The following PHF24 variants were observed in gnomAD, a reference collection of about 807,000 sequenced individuals.
PHF24 encodes PHD finger protein 24.
Under a neutral mutation model 42.6 loss-of-function variants are expected in PHF24, and 25 were observed. That is an observed-to-expected ratio of 0.59 (90% CI 0.43 to 0.82). The LOEUF (loss-of-function observed/expected upper bound fraction) is 0.82, where lower values mean the gene tolerates loss of function less well. Ranked by LOEUF, PHF24 falls within the 40% of genes least tolerant of loss-of-function variation. The pLI is 0.00. For synonymous variants in PHF24, 185 were observed against 204.8 expected (o/e 0.90, Z 0.83); for missense variants, 470 against 538.1 (o/e 0.87, Z 1.25).
the PHF24 span, among the ~76,000 whole-genome samples, chr9:34,856,809 A>G: frequency 6.6e-6 from 1 of 152,244 alleles, no homozygotes; most frequent in Non-Finnish European, 1.5e-5. Context: ...TTGGCAGAGC[A>G]GGTGTGCTGC....
the PHF24 span, among the ~76,000 whole-genome samples, chr9:34,706,148 T>A: frequency 1.3e-5 from 2 of 152,152 alleles, no homozygotes; most frequent in African/African-American, 4.8e-5. Context: ...ATAGTCAAAA[T>A]AATGTAATAT....
chr9:34,696,304 A>G, the PHF24 span, among the ~76,000 whole-genome samples: 3 of 152,088 alleles, frequency 2.0e-5, no homozygotes, highest in South Asian at 6.2e-4. Context: ...CTTGACCAAC[A>G]TGGCGAAACC....
At chr9:34,832,148 AC>A in the PHF24 span, 27 of 298,258 alleles carry the variant, frequency 9.1e-5, no homozygotes, top group East Asian at 1.1e-3. Flanking sequence ...TTCTAGTGGC[AC>A]CCTGCCCCAC....
At chr9:34,794,355 C>T in the PHF24 span, among the ~76,000 whole-genome samples, 16 of 152,252 alleles carry the variant, frequency 1.1e-4, no homozygotes, top group East Asian at 1.7e-3. Flanking sequence ...AAAACATTAA[C>T]GTTATCTATA....
the PHF24 span, among the ~76,000 whole-genome samples, chr9:34,802,560 C>G: frequency 6.6e-6 from 1 of 152,184 alleles, no homozygotes; most frequent in Non-Finnish European, 1.5e-5. Flanking sequence ...TTTCTGCATC[C>G]TAATCTAACC....
At chr9:34,766,325 C>T in the PHF24 span, among the ~76,000 whole-genome samples, 1 of 152,220 alleles carries the variant, frequency 6.6e-6, no homozygotes, top group Non-Finnish European at 1.5e-5. Context: ...CTCCCCGTCA[C>T]TTTCAGGTAC....
the PHF24 span, among the ~76,000 whole-genome samples, chr9:34,745,270 T>C: frequency 6.6e-6 from 1 of 152,282 alleles, no homozygotes; most frequent in African/African-American, 2.4e-5. Context: ...GCTTCTTGGA[T>C]CCACAGCTAT....
chr9:34,962,839 C>G (rs1826639309), intron 1 of PHF24, among the ~76,000 whole-genome samples: 1 of 152,210 alleles, frequency 6.6e-6, no homozygotes, highest in Admixed American at 6.5e-5. Context: ...AAGCTCATGC[C>G]ATAATTTTGC....
the PHF24 span, among the ~76,000 whole-genome samples, chr9:34,771,909 C>G: frequency 5.1e-4 from 77 of 152,266 alleles, no homozygotes; most frequent in Non-Finnish European, 7.4e-5. Flanking sequence ...TGTCCCCATC[C>G]TCATTTTGAG....
At chr9:34,740,401 A>C in the PHF24 span, among the ~76,000 whole-genome samples, 150,688 of 152,356 alleles carry the variant, frequency 0.99, 74,541 homozygotes, top group Middle Eastern at 1. Flanking sequence ...AGCTAAGGCC[A>C]GGCAAGAAAT....
the PHF24 span, chr9:34,918,165 C>T: frequency 8.7e-6 from 13 of 1,497,832 alleles, no homozygotes; most frequent in African/African-American, 4.1e-5. Context: ...GACTGTCGGC[C>T]AGGAGAAGAA....
At chr9:34,894,558 C>G in the PHF24 span, 5 of 398,484 alleles carry the variant, frequency 1.3e-5, no homozygotes, top group Non-Finnish European at 2.2e-5. Flanking sequence ...TCAGGGACAT[C>G]CTATAAGAAG....
the PHF24 span, among the ~76,000 whole-genome samples, chr9:34,792,061 C>G: frequency 6.6e-6 from 1 of 152,174 alleles, no homozygotes; most frequent in African/African-American, 2.4e-5. Context: ...TTGGAATGAT[C>G]TAGCAGAGAT....
At chr9:34,798,973 T>C in the PHF24 span, among the ~76,000 whole-genome samples, 7 of 152,218 alleles carry the variant, frequency 4.6e-5, no homozygotes, top group Non-Finnish European at 1.0e-4. Flanking sequence ...TGAGCATTTT[T>C]TCATGTTTGT....
the PHF24 span, among the ~76,000 whole-genome samples, chr9:34,722,901 T>A: frequency 6.6e-5 from 10 of 152,166 alleles, no homozygotes; most frequent in Non-Finnish European, 1.3e-4. Context: ...TTCAGTGCAC[T>A]CTAGATAAAA....
At chr9:34,862,542 G>A in the PHF24 span, among the ~76,000 whole-genome samples, 2 of 152,016 alleles carry the variant, frequency 1.3e-5, no homozygotes, top group Non-Finnish European at 2.9e-5. Flanking sequence ...ACACAGCCTG[G>A]CCCAGAAAGG....
At chr9:34,671,461 A>G in the PHF24 span, among the ~76,000 whole-genome samples, 1 of 152,236 alleles carries the variant, frequency 6.6e-6, no homozygotes, top group African/African-American at 2.4e-5. Context: ...CCTATGCTGC[A>G]CTTGCACTGC....
chr9:34,742,486 A>C, the PHF24 span, among the ~76,000 whole-genome samples: 1 of 152,334 alleles, frequency 6.6e-6, no homozygotes, highest in East Asian at 1.9e-4. Flanking sequence ...CCCCCAACAA[A>C]GAACTGTGCC....
chr9:34,781,810 G>T, the PHF24 span, among the ~76,000 whole-genome samples: 8 of 152,136 alleles, frequency 5.3e-5, no homozygotes, highest in African/African-American at 1.4e-4. Context: ...CAGCAACAAT[G>T]CATGTGCCAG....
Sources: allele counts gnomAD v4.1 joint callset (sites outside exome capture counted in the v4.1 genomes callset), GRCh38; gene constraint gnomAD v4.1.1; transcripts MANE v1.5; gene names NCBI Gene and HGNC (gene_info 2026-07-23, HGNC 2026-07-21).